Variants in RREB1 observed in about 807,000 individuals in gnomAD.
RREB1 encodes the protein ras responsive element binding protein 1, also known as ras-responsive element-binding protein 1.
A neutral mutation model predicts 117.8 loss-of-function variants in RREB1; 27 were observed. The ratio of observed to expected loss-of-function variants is 0.23; its 90% CI spans 0.17 to 0.32. The LOEUF (loss-of-function observed/expected upper bound fraction) is 0.32, where lower values mean the gene tolerates loss of function less well. Among genes scored for constraint, RREB1 ranks in the 10% least tolerant of loss-of-function variants. RREB1 has a pLI of 1.00. For synonymous variants in RREB1, 1,298 were observed against 1,026.7 expected (o/e 1.26, Z -5.05); for missense variants, 2,577 against 2,378.2 (o/e 1.08, Z -1.74).
At position 7,229,393 on chromosome 6, in the gene RREB1, G is replaced by A. The variant is rs756715537; in HGVS notation, c.1294G>A (p.Asp432Asn). 2.7e-5 allele frequency: 43 copies of A among 1,613,984 alleles called. No individual in the cohort carries two copies. The highest frequency in any genetic ancestry group is 3.6e-5 in the Non-Finnish European group (42 of 1,179,998). ...GSLTVLPATK[D>N]SIKHLSLQPF... ...TCTCACAGTTCTCCCCGCGACCAAG[G>A]ACAGCATAAAGCACCTGTCCCTGCA... The change falls in exon 10 of 13, where the codon GAC becomes AAC. Residue 432 changes from aspartate to asparagine, a missense_variant. Physicochemically the swap from Asp to Asn is conservative, Grantham distance 23. Transcript: ENST00000379938. The surrounding 1 kb of genome is among the most constrained non-coding windows in gnomAD (Gnocchi z 4.5).
In RREB1 at chr6:7,124,925, TA is replaced by T. The variant is rs151066118; in HGVS notation, c.-285+16866del. ...GCTGTGCTTCTGACCTCTGGCAGACTACCTGTCATAGAGACATGATCCATTC... is the reference window on the plus strand; with the variant it reads ...GCTGTGCTTCTGACCTCTGGCAGACTCCTGTCATAGAGACATGATCCATTC... On this transcript the variant is annotated intron_variant, in intron 1 of 12. Transcript: ENST00000379938. Among the ~76,000 whole-genome samples the T allele has an allele frequency of 6.6e-3, 1,012 of 152,338 alleles. 8 individuals carry two copies. The highest frequency in any genetic ancestry group is 0.01 in the Non-Finnish European group (714 of 68,034).
At chr6:7,211,792 C>A in intron 8 of RREB1, 83 bp downstream of exon 8, 1 of 1,413,608 alleles carries the variant, frequency 7.1e-7, no homozygotes, top group Non-Finnish European at 9.9e-7. Context: ...TTACTCCACA[C>A]CGGGCTCCAG....
chr6:7,182,123 T>C, intron 4 of RREB1, 41 bp downstream of exon 4: 1 of 1,543,014 alleles, frequency 6.5e-7, no homozygotes, highest in Non-Finnish European at 8.9e-7. Flanking sequence ...GTGGGTTCAA[T>C]CCATGAGAAC....
Position 7,248,261 on chromosome 6 carries a change from T to C in RREB1, c.4772-250T>C, listed in dbSNP as rs571140532. On this transcript the variant is annotated intron_variant, in intron 12 of 12. Coordinates refer to ENST00000379938, the MANE Select transcript of RREB1 (RefSeq NM_001003699.4). The stretch of plus-strand genomic sequence containing the variant: ...TTCTGCTTCTGGGACCTGGGTTTTC[T>C]GGATCAGTATGTAGAGTGCCTGGGC... 1.5e-4 allele frequency among the ~76,000 whole-genome samples: 23 copies of C among 152,306 alleles called. 1 individual carries two copies. Among genetic ancestry groups the C allele is most frequent in the African/African-American group, 5.5e-4 (23 of 41,564 alleles).
intron 9 of RREB1, 115 bp from the exon 10 acceptor site, chr6:7,228,882 G>A: frequency 6.5e-6 from 6 of 916,850 alleles, no homozygotes; most frequent in Non-Finnish European, 8.9e-6. Context: ...ATGTTATGGG[G>A]AAAGGCTGTG....
At chr6:7,125,380 A>G (rs1761862886) in intron 1 of RREB1, among the ~76,000 whole-genome samples, 1 of 152,194 alleles carries the variant, frequency 6.6e-6, no homozygotes, top group Non-Finnish European at 1.5e-5. Context: ...GTGGTGGGAA[A>G]TGTCCCAGAA....
chr6:7,223,300 G>A (rs1464347305), intron 8 of RREB1, among the ~76,000 whole-genome samples: 2 of 145,496 alleles, frequency 1.4e-5, no homozygotes, highest in Non-Finnish European at 3.0e-5. Flanking sequence ...GATGGCTCAC[G>A]CCTGTAATCC....
Position 7,198,328 on chromosome 6 carries a change from A to G in RREB1, c.425+9006A>G, listed in dbSNP as rs578176606. On this transcript the variant is annotated intron_variant, in intron 6 of 12. Transcript: ENST00000379938. Reference sequence around the variant, plus strand: ...AATAAATTATATATTTATTTGTAGGATAAAAATCTGTGGGTCACCCTGCCC... The same window carrying G: ...AATAAATTATATATTTATTTGTAGGGTAAAAATCTGTGGGTCACCCTGCCC... Among the ~76,000 whole-genome samples, 57 of 152,362 alleles carry G rather than the reference A, an allele frequency of 3.7e-4. No individual in the cohort carries two copies. The South Asian group carries it at 0.011, about 28-fold the overall frequency.
intron 11 of RREB1, among the ~76,000 whole-genome samples, chr6:7,244,286 A>G (rs918003097): frequency 6.6e-6 from 1 of 151,594 alleles, no homozygotes; most frequent in African/African-American, 2.4e-5. Context: ...AAAATTACTT[A>G]CAAAGGCCAG....
chr6:7,243,509 T>C (rs1768832222), intron 11 of RREB1, among the ~76,000 whole-genome samples: 1 of 152,184 alleles, frequency 6.6e-6, no homozygotes, highest in Non-Finnish European at 1.5e-5. Flanking sequence ...AGTCTGGGTG[T>C]TGAGGGCGGG....
At chr6:7,127,821 A>G (rs1173352763) in intron 1 of RREB1, among the ~76,000 whole-genome samples, 1 of 152,136 alleles carries the variant, frequency 6.6e-6, no homozygotes, top group Non-Finnish European at 1.5e-5. Flanking sequence ...CCTGCAGAGC[A>G]TGTGCCCTCA....
At chr6:7,125,926 A>ATTACGGTAAGTACTTCAAGGTCTGT (rs1251443844) in intron 1 of RREB1, among the ~76,000 whole-genome samples, 4 of 152,154 alleles carry the variant, frequency 2.6e-5, no homozygotes, top group African/African-American at 7.2e-5. Flanking sequence ...CAGATACTGA[A>ATTACGGTAAGTACTTCAAGGTCTGT]TTACGGTAAG....
At chr6:7,222,800 G>GA (rs58702073) in intron 8 of RREB1, among the ~76,000 whole-genome samples, 18,645 of 149,926 alleles carry the variant, frequency 0.12, 1,590 homozygotes, top group Non-Finnish European at 0.18. Context: ...CCTCAAAAAA[G>GA]AAAAAAAAAT....
Position 7,248,985 on chromosome 6 carries a change from C to T in RREB1, c.*17C>T. 6.9e-7 allele frequency: 1 copy of T among 1,449,216 alleles called. No individual in the cohort carries two copies. Among genetic ancestry groups the T allele is most frequent in the Non-Finnish European group, 9.0e-7 (1 of 1,106,910 alleles). 89.8% of individuals were successfully genotyped at this position (1,449,216 alleles called of 1,614,324 possible). On this transcript the variant is annotated 3_prime_UTR_variant, in exon 13 of 13. Transcript: ENST00000379938. ...ATGGAGTGACAGCCTCAGTCCCCCT[C>T]AGCACAGACAAAAGCCAGCAGAGCA...
At chr6:7,125,539 C>T (rs1368192510) in intron 1 of RREB1, among the ~76,000 whole-genome samples, 1 of 152,134 alleles carries the variant, frequency 6.6e-6, no homozygotes, top group Non-Finnish European at 1.5e-5. Flanking sequence ...TCACAGGTTG[C>T]CTACTTTTGA....
chr6:7,181,760 T>C (rs9392862), intron 3 of RREB1, 110 bp from the exon 4 acceptor site: 128,726 of 789,656 alleles, frequency 0.16, 11,467 homozygotes, highest in East Asian at 0.28. Context: ...AAAGACAGCG[T>C]TGGATGTTTT....
chr6:7,205,615 G>A (rs1766224916), intron 6 of RREB1, among the ~76,000 whole-genome samples: 1 of 152,194 alleles, frequency 6.6e-6, no homozygotes, highest in South Asian at 2.1e-4. Flanking sequence ...CATGCCTAAG[G>A]AAGGTCCGCA....
intron 4 of RREB1, chr6:7,183,529 C>G (rs1016208778): frequency 5.9e-5 from 9 of 152,236 alleles, no homozygotes; most frequent in African/African-American, 2.2e-4. Context: ...CCTCAAATAG[C>G]TCTGAGTTGT....
chr6:7,181,812 T>A (rs1270603218), intron 3 of RREB1, 58 bp from the exon 4 acceptor site: 3 of 1,250,126 alleles, frequency 2.4e-6, no homozygotes, highest in Non-Finnish European at 1.2e-6. Flanking sequence ...CAGCGCCCCC[T>A]GGCAATGACA....
Sources: gnomAD v4.1 joint callset for allele counts (sites outside exome capture counted in the v4.1 genomes callset) on GRCh38, gnomAD v4.1.1 for gene constraint, Gnocchi (gnomAD v3.1) non-coding constraint, MANE v1.5 for transcripts, NCBI Gene and HGNC (gene_info 2026-07-23, HGNC 2026-07-21) for gene names.